Variants in ATP2B2 observed in about 807,000 individuals in gnomAD.
ATP2B2 encodes the protein ATPase plasma membrane Ca2+ transporting 2.
ATP2B2 carries 15 observed loss-of-function variants against 120.0 expected under a neutral mutation model. The observed-to-expected ratio is 0.12, with a 90% CI of 0.08 to 0.19. ATP2B2 has a LOEUF of 0.19. ATP2B2 is among the 10% of genes least tolerant of loss of function. ATP2B2 has a pLI of 1.00. For synonymous variants in ATP2B2, 694 were observed against 700.3 expected, an observed-to-expected ratio of 0.99 and a Z score of 0.14; for missense variants, 1,045 against 1,719.8, an observed-to-expected ratio of 0.61 and a Z score of 6.94.
intron 9 of ATP2B2, 98 bp downstream of exon 9, chr3:10,379,145 C>A: frequency 7.1e-7 from 1 of 1,401,890 alleles, no homozygotes; most frequent in South Asian, 1.2e-5. Context: ...GATGTGTCTG[C>A]CTCTGGCCCT....
intron 2 of ATP2B2, among the ~76,000 whole-genome samples, chr3:10,614,503 T>C (rs529071207): frequency 6.6e-6 from 1 of 152,344 alleles, no homozygotes; most frequent in East Asian, 1.9e-4. Flanking sequence ...CCAGGTCATT[T>C]CCTTCAAAAA....
chr3:10,446,237 C>T (rs942897113), intron 2 of ATP2B2, among the ~76,000 whole-genome samples: 16 of 152,254 alleles, frequency 1.1e-4, no homozygotes, highest in Non-Finnish European at 2.1e-4. Flanking sequence ...TTCCGGAGAA[C>T]GTGCCCACTT....
chr3:10,552,071 T>C (rs1048571455), intron 2 of ATP2B2, among the ~76,000 whole-genome samples: 1 of 152,258 alleles, frequency 6.6e-6, no homozygotes, highest in African/African-American at 2.4e-5. Flanking sequence ...ACTGTGCCTA[T>C]CCTGGGGCCC....
chr3:10,573,634 G>C (rs568784915), intron 2 of ATP2B2, among the ~76,000 whole-genome samples: 4 of 152,308 alleles, frequency 2.6e-5, no homozygotes, highest in African/African-American at 7.2e-5. Context: ...TCAGAGGCTT[G>C]GTTGGGTACC....
intron 1 of ATP2B2, 122 bp downstream of exon 1, chr3:10,505,343 A>C (rs2066581982): frequency 6.6e-6 from 1 of 150,908 alleles, no homozygotes; most frequent in Non-Finnish European, 1.5e-5. Context: ...CGCCACCACC[A>C]TCAGCACTGA....
intron 1 of ATP2B2, among the ~76,000 whole-genome samples, chr3:10,661,274 AG>A (rs1206340678): frequency 6.6e-6 from 1 of 151,990 alleles, no homozygotes; most frequent in Non-Finnish European, 1.5e-5. Flanking sequence ...AAAGAAATAA[AG>A]GGTATTCAAT....
At chr3:10,603,282 G>GTGTT (rs1261872922) in intron 2 of ATP2B2, among the ~76,000 whole-genome samples, 1 of 152,222 alleles carries the variant, frequency 6.6e-6, no homozygotes, top group Non-Finnish European at 1.5e-5. Context: ...GGTGCCCGGT[G>GTGTT]TGTTTGGCAG....
At chr3:10,463,627 GC>G (rs1323105342) in intron 1 of ATP2B2, among the ~76,000 whole-genome samples, 1 of 152,216 alleles carries the variant, frequency 6.6e-6, no homozygotes, top group Non-Finnish European at 1.5e-5. Flanking sequence ...TGCTTTCAGA[GC>G]CCCTGCTCTG....
intron 3 of ATP2B2, among the ~76,000 whole-genome samples, chr3:10,528,844 G>A (rs974179645): frequency 2.6e-5 from 4 of 152,178 alleles, no homozygotes; most frequent in Admixed American, 6.5e-5. Flanking sequence ...CCGTGATCCC[G>A]GCTACTTGCT....
intron 21 of ATP2B2, among the ~76,000 whole-genome samples, 169 bp from the exon 22 acceptor site, chr3:10,338,527 T>C (rs1403531090): frequency 0.019 from 2,299 of 122,408 alleles, 38 homozygotes; most frequent in African/African-American, 0.081. Flanking sequence ...TGACAATGTC[T>C]TTTTTTTTTT....
chr3:10,397,012 T>C (rs1306946498), intron 5 of ATP2B2, among the ~76,000 whole-genome samples: 1 of 152,186 alleles, frequency 6.6e-6, no homozygotes, highest in Admixed American at 6.5e-5. Flanking sequence ...TCCACTTACA[T>C]CATATCATGA....
chr3:10,445,673 G>A (rs2063813242), intron 2 of ATP2B2, among the ~76,000 whole-genome samples: 1 of 152,238 alleles, frequency 6.6e-6, no homozygotes, highest in Non-Finnish European at 1.5e-5. Flanking sequence ...GTCACTTTCA[G>A]AGATCTTTTT....
At chr3:10,468,333 G>C (rs928095616) in intron 1 of ATP2B2, among the ~76,000 whole-genome samples, 1 of 152,236 alleles carries the variant, frequency 6.6e-6, no homozygotes, top group Admixed American at 6.5e-5. Context: ...GGGTGTGAGG[G>C]GTGGGAAGCA....
intron 2 of ATP2B2, among the ~76,000 whole-genome samples, chr3:10,534,675 T>C (rs965445855): frequency 6.6e-6 from 1 of 152,136 alleles, no homozygotes; most frequent in African/African-American, 2.4e-5. Flanking sequence ...CTTGGGCAAG[T>C]GACTTAAATT....
intron 2 of ATP2B2, among the ~76,000 whole-genome samples, chr3:10,553,829 T>C (rs747502605): frequency 4.7e-4 from 72 of 152,258 alleles, no homozygotes; most frequent in Non-Finnish European, 8.4e-4. Context: ...ACTAAGGGCC[T>C]GGGTGGTTGC....
Position 10,583,804 on chromosome 3 carries a change from A to T in ATP2B2, c.-415+36113T>A, listed in dbSNP as rs2068445982. 2.0e-5 allele frequency among the ~76,000 whole-genome samples: 3 copies of T among 152,166 alleles called. No individual in the cohort carries two copies. In the South Asian group the frequency reaches 6.2e-4, roughly 32 times the overall value. On this transcript the variant is annotated intron_variant, in intron 2 of 21. Coordinates refer to the ATP2B2 transcript ENST00000646379. ...CCGGTTGCACCCTGTTTCCCACTGC[A>T]AGGGGCCAATACAAATGCAAAAGCT...
intron 6 of ATP2B2, among the ~76,000 whole-genome samples, 195 bp from the exon 7 acceptor site, chr3:10,386,707 G>A (rs548118384): frequency 1.3e-5 from 2 of 152,298 alleles, no homozygotes; most frequent in African/African-American, 4.8e-5. Flanking sequence ...GGGCAGAGGG[G>A]GCCCAGCTGA....
At chr3:10,581,125 A>G (rs2068379098) in intron 2 of ATP2B2, among the ~76,000 whole-genome samples, 2 of 152,236 alleles carry the variant, frequency 1.3e-5, no homozygotes, top group Admixed American at 1.3e-4. Flanking sequence ...GCACTTGCCC[A>G]AGGTCATGCA....
chr3:10,471,364 C>CTGTG (rs58583936), intron 1 of ATP2B2, among the ~76,000 whole-genome samples: 24 of 150,468 alleles, frequency 1.6e-4, no homozygotes, highest in African/African-American at 4.1e-4. Flanking sequence ...TTCAGGAAAC[C>CTGTG]TGTGTGTGTG....
Sources: allele counts gnomAD v4.1 joint callset (sites outside exome capture counted in the v4.1 genomes callset), GRCh38; gene constraint gnomAD v4.1.1; transcripts MANE v1.5; gene names NCBI Gene and HGNC (gene_info 2026-07-23, HGNC 2026-07-21).